Variants in STAG1 observed in about 807,000 individuals in gnomAD.
STAG1 encodes cohesin subunit SA-1.
Under a neutral mutation model 170.9 loss-of-function variants are expected in STAG1, and 26 were observed. The observed-to-expected ratio is 0.15, with a 90% confidence interval of 0.11 to 0.21. The LOEUF is 0.21. STAG1 is among the 10% of genes least tolerant of loss of function. The pLI, the probability that STAG1 is intolerant of heterozygous loss-of-function variation, is 1.00. For synonymous variants in STAG1, 514 were observed against 497.7 expected (o/e 1.03, Z -0.44); for missense variants, 964 against 1,509.5 (o/e 0.64, Z 5.99).
At chr3:136,531,463 C>A (rs113495678) in intron 6 of STAG1, among the ~76,000 whole-genome samples, 6,368 of 142,008 alleles carry the variant, frequency 0.045, 152 homozygotes, top group Non-Finnish European at 0.056. Flanking sequence ...ATGCACACGT[C>A]TGTTTATTGC....
intron 1 of STAG1, among the ~76,000 whole-genome samples, chr3:136,704,750 G>T (rs146165322): frequency 6.8e-6 from 1 of 147,624 alleles, no homozygotes; most frequent in Middle Eastern, 3.4e-3. Flanking sequence ...AATCGCTTGA[G>T]CCTGGGGGGT....
At chr3:136,411,995 C>T (rs990841197) in intron 21 of STAG1, among the ~76,000 whole-genome samples, 1 of 151,432 alleles carries the variant, frequency 6.6e-6, no homozygotes, top group Non-Finnish European at 1.5e-5. Flanking sequence ...CCATATTGGC[C>T]TGGGTGACAG....
At chr3:136,634,488 T>TA (rs1225004097) in intron 1 of STAG1, among the ~76,000 whole-genome samples, 3 of 151,502 alleles carry the variant, frequency 2.0e-5, no homozygotes, top group Admixed American at 6.6e-5. Context: ...AATTTTTTTT[T>TA]AAAAACCAGA....
chr3:136,344,508 G>A (rs964869546), intron 29 of STAG1, among the ~76,000 whole-genome samples: 1 of 152,138 alleles, frequency 6.6e-6, no homozygotes, highest in Non-Finnish European at 1.5e-5. Flanking sequence ...CTTCTTGCCA[G>A]GTTATACATG....
intron 15 of STAG1, among the ~76,000 whole-genome samples, chr3:136,442,931 C>A (rs1378029976): frequency 6.6e-6 from 1 of 152,058 alleles, no homozygotes; most frequent in Non-Finnish European, 1.5e-5. Flanking sequence ...ATCCCTTGAG[C>A]CCAGTAGTTC....
intron 29 of STAG1, among the ~76,000 whole-genome samples, chr3:136,346,159 A>T (rs1165554659): frequency 3.3e-5 from 5 of 152,204 alleles, no homozygotes; most frequent in African/African-American, 1.2e-4. Context: ...TGTTTGGCAC[A>T]TCAGAGCATT....
chr3:136,426,171 G>A (rs1251975245), intron 16 of STAG1, among the ~76,000 whole-genome samples: 1 of 152,000 alleles, frequency 6.6e-6, no homozygotes, highest in Admixed American at 6.6e-5. Flanking sequence ...ACTTTGGGAG[G>A]CCGAGGCGGG....
intron 32 of STAG1, among the ~76,000 whole-genome samples, 181 bp downstream of exon 32, chr3:136,340,310 C>T (rs1370014043): frequency 1.3e-5 from 2 of 151,962 alleles, no homozygotes; most frequent in Admixed American, 6.6e-5. Context: ...TTAGTAGAGA[C>T]GGGGTTTCTC....
intron 13 of STAG1, among the ~76,000 whole-genome samples, chr3:136,463,897 A>T (rs1353903264): frequency 6.8e-6 from 1 of 147,442 alleles, no homozygotes; most frequent in East Asian, 1.9e-4. Flanking sequence ...TTATATATAC[A>T]TATATACTTA....
chr3:136,420,243 T>TG (rs2087911800), intron 20 of STAG1, among the ~76,000 whole-genome samples: 1 of 59,602 alleles, frequency 1.7e-5, no homozygotes, highest in Admixed American at 2.6e-4. Flanking sequence ...TGAGACTCTG[T>TG]CAAAAAAAAA....
intron 23 of STAG1, among the ~76,000 whole-genome samples, chr3:136,376,553 G>T (rs113423414): frequency 6.6e-6 from 1 of 152,128 alleles, no homozygotes. Context: ...GTCTGAGCCT[G>T]CAAAGGCCTC....
In STAG1 at chr3:136,722,566, T is replaced by C. The variant is rs144441848; in HGVS notation, c.-84+29629A>G. ...AGAAAAAACTAGGAACAAAGGAGAA[T>C]TACTGGGTAATGCTGAGGGTTCAAT... is the stretch of plus-strand genomic sequence containing the variant. On this transcript the variant is annotated intron_variant, in intron 1 of 33. Transcript: ENST00000383202. Among the ~76,000 whole-genome samples the C allele has an allele frequency of 5.3e-5, 8 of 151,948 alleles. No individual in the cohort carries two copies. In the East Asian group the frequency reaches 1.6e-3, roughly 30 times the overall value.
At chr3:136,380,806 G>C (rs1937912642) in intron 22 of STAG1, among the ~76,000 whole-genome samples, 2 of 151,828 alleles carry the variant, frequency 1.3e-5, no homozygotes, top group Non-Finnish European at 2.9e-5. Context: ...GATCATCTGA[G>C]GTCAGGAGTT....
intron 16 of STAG1, among the ~76,000 whole-genome samples, chr3:136,424,267 C>T (rs1362501486): frequency 1.3e-5 from 2 of 150,416 alleles, no homozygotes; most frequent in Non-Finnish European, 2.9e-5. Context: ...ATTCATTTGA[C>T]AATGTATGAA....
At chr3:136,683,356 T>G (rs920891581) in intron 1 of STAG1, among the ~76,000 whole-genome samples, 1 of 152,032 alleles carries the variant, frequency 6.6e-6, no homozygotes, top group Middle Eastern at 3.2e-3. Context: ...CTTTTCCTCC[T>G]GGGTTCAAGT....
intron 21 of STAG1, among the ~76,000 whole-genome samples, chr3:136,404,580 G>A (rs1033744103): frequency 9.9e-5 from 15 of 152,098 alleles, no homozygotes; most frequent in Non-Finnish European, 5.9e-5. Context: ...GAAATTAACT[G>A]ATTATAGCAG....
At chr3:136,704,836 A>T (rs1365439138) in intron 1 of STAG1, among the ~76,000 whole-genome samples, 59 of 151,112 alleles carry the variant, frequency 3.9e-4, no homozygotes, top group Non-Finnish European at 3.0e-4. Context: ...AAAAAAAAAA[A>T]AAAAAAAAAA....
At chr3:136,478,870 G>A (rs1281886919) in intron 9 of STAG1, among the ~76,000 whole-genome samples, 1 of 152,036 alleles carries the variant, frequency 6.6e-6, no homozygotes, top group Non-Finnish European at 1.5e-5. Flanking sequence ...TCCTGGTTCT[G>A]CTATTTACTA....
In STAG1 at chr3:136,646,951, G is replaced by A. The variant is rs1002583587; in HGVS notation, c.-83-15970C>T. Reference sequence around the variant, plus strand: ...TAATAATAAAGTTTCAAATAGCTAGGAAGAAAATATTGAATGTTCCCAACA... The same window carrying A: ...TAATAATAAAGTTTCAAATAGCTAGAAAGAAAATATTGAATGTTCCCAACA... On this transcript the variant is annotated intron_variant, in intron 1 of 33. Transcript: ENST00000383202. Among the ~76,000 whole-genome samples, 92 of 152,068 alleles carry A rather than the reference G, an allele frequency of 6.0e-4. 1 individual carries two copies. Among genetic ancestry groups the A allele is most frequent in the Non-Finnish European group, 1.2e-3 (79 of 67,966 alleles).
Sources: gnomAD v4.1 joint callset for allele counts (sites outside exome capture counted in the v4.1 genomes callset) on GRCh38, gnomAD v4.1.1 for gene constraint, MANE v1.5 for transcripts, NCBI Gene and HGNC (gene_info 2026-07-23, HGNC 2026-07-21) for gene names.